BLTP2: variants seen among roughly 807,000 people sequenced by gnomAD.
BLTP2 encodes the protein bridge-like lipid transfer protein family member 2.
At chr17:28,616,177 G>T in the BLTP2 span, 1 of 1,614,016 alleles carries the variant, frequency 6.2e-7, no homozygotes, top group Non-Finnish European at 8.5e-7. This position sits in a 1 kb window ranked among gnomAD's most constrained non-coding sequence, Gnocchi z 4.8. Flanking sequence ...CTTTCATCTT[G>T]TCAATGTCAT....
At chr17:28,628,432 G>A in the BLTP2 span, 2 of 1,614,178 alleles carry the variant, frequency 1.2e-6, no homozygotes, top group Non-Finnish European at 1.7e-6. Context: ...GAGTACAGCT[G>A]CCTTTTTGTA....
the BLTP2 span, among the ~76,000 whole-genome samples, chr17:28,618,486 G>C: frequency 5.3e-5 from 8 of 152,002 alleles, no homozygotes; most frequent in Non-Finnish European, 1.0e-4. Flanking sequence ...AAAGTTATGG[G>C]ATTACAGGCA....
At chr17:28,643,219 C>A in the BLTP2 span, 2,651 of 1,614,180 alleles carry the variant, frequency 1.6e-3, 3 homozygotes, top group Non-Finnish European at 2.1e-3. Context: ...TTGATCCACC[C>A]CAGCGCTCTG....
chr17:28,629,050 C>CT, the BLTP2 span, among the ~76,000 whole-genome samples: 1 of 151,500 alleles, frequency 6.6e-6, no homozygotes, highest in Non-Finnish European at 1.5e-5. Context: ...GTATTTTATT[C>CT]TTTATCAAAA....
chr17:28,644,641 G>A, the BLTP2 span, among the ~76,000 whole-genome samples: 1 of 152,340 alleles, frequency 6.6e-6, no homozygotes, highest in East Asian at 1.9e-4. Context: ...CGATGCTGCA[G>A]GTGCCCATCG....
chr17:28,616,304 G>A, the BLTP2 span: 70 of 1,608,616 alleles, frequency 4.4e-5, no homozygotes, highest in South Asian at 1.2e-4. The surrounding 1 kb of genome is among the most constrained non-coding windows in gnomAD (Gnocchi z 4.8). Flanking sequence ...AGAGGAAACC[G>A]AAGAAATCCC....
the BLTP2 span, chr17:28,639,486 G>A: frequency 9.4e-5 from 152 of 1,613,354 alleles, no homozygotes; most frequent in Middle Eastern, 1.2e-3. Context: ...CAGAACTGTG[G>A]GTTTGGGTTT....
chr17:28,622,720 C>T, the BLTP2 span, among the ~76,000 whole-genome samples: 1 of 152,216 alleles, frequency 6.6e-6, no homozygotes, highest in Admixed American at 6.5e-5. Context: ...AACAACCACG[C>T]AATGCAAAGA....
At chr17:28,637,019 C>A in the BLTP2 span, 1 of 1,614,208 alleles carries the variant, frequency 6.2e-7, no homozygotes, top group South Asian at 1.1e-5. Flanking sequence ...AAAGGCTGAG[C>A]ACTGGGGTAG....
At chr17:28,627,499 C>CA in the BLTP2 span, among the ~76,000 whole-genome samples, 1 of 152,024 alleles carries the variant, frequency 6.6e-6, no homozygotes, top group African/African-American at 2.4e-5. Context: ...CTCTGCCTCC[C>CA]AGGTTCATGC....
the BLTP2 span, chr17:28,615,975 A>G: frequency 2.0e-6 from 2 of 1,019,586 alleles, no homozygotes; most frequent in Admixed American, 1.9e-5. Flanking sequence ...CAGAGGGAAC[A>G]GCAGATTTAT....
chr17:28,619,974 C>T, the BLTP2 span: 6 of 1,614,048 alleles, frequency 3.7e-6, no homozygotes, highest in South Asian at 6.6e-5. Context: ...TGCTAGAGAT[C>T]TCAAGCTGGA....
the BLTP2 span, chr17:28,624,448 C>T: frequency 6.8e-7 from 1 of 1,481,476 alleles, no homozygotes; most frequent in Non-Finnish European, 9.2e-7. Context: ...AGACTTTTCC[C>T]TTTCCAGAGC....
At chr17:28,637,032 A>G in the BLTP2 span, 1 of 1,614,172 alleles carries the variant, frequency 6.2e-7, no homozygotes, top group Non-Finnish European at 8.5e-7. Context: ...TGGGGTAGGG[A>G]TGTCAGGGGC....
the BLTP2 span, chr17:28,618,777 T>C: frequency 6.2e-7 from 1 of 1,605,724 alleles, no homozygotes; most frequent in Non-Finnish European, 8.5e-7. Flanking sequence ...TGTGTGACCA[T>C]ATACCCCAGA....
the BLTP2 span, chr17:28,620,533 C>G: frequency 6.2e-7 from 1 of 1,614,174 alleles, no homozygotes; most frequent in South Asian, 1.1e-5. Flanking sequence ...CTACATGGAG[C>G]AGCAGGTTGT....
At chr17:28,631,430 A>G in the BLTP2 span, 23 of 1,504,346 alleles carry the variant, frequency 1.5e-5, no homozygotes, top group Admixed American at 2.9e-4. Flanking sequence ...GTAGGCTGAG[A>G]TACCTACTAA....
the BLTP2 span, chr17:28,642,209 C>G: frequency 6.3e-7 from 1 of 1,591,674 alleles, no homozygotes; most frequent in African/African-American, 1.3e-5. Context: ...GGATGTAAGC[C>G]CTAAGCTCCT....
chr17:28,618,787 A>G, the BLTP2 span: 1 of 1,611,774 alleles, frequency 6.2e-7, no homozygotes, highest in Admixed American at 1.7e-5. Context: ...TATACCCCAG[A>G]TACCTTGCTG....
Sources: allele counts gnomAD v4.1 joint callset (sites outside exome capture counted in the v4.1 genomes callset), GRCh38; gene constraint gnomAD v4.1.1; non-coding constraint Gnocchi (gnomAD v3.1); transcripts MANE v1.5; gene names NCBI Gene and HGNC (gene_info 2026-07-23, HGNC 2026-07-21).